The following ROBO2 variants were observed in gnomAD, a reference collection of about 807,000 sequenced individuals.
ROBO2 encodes roundabout guidance receptor 2.
In ROBO2, 53 loss-of-function variants were observed where a neutral mutation model predicts 160.8. That is an observed-to-expected ratio of 0.33 (90% CI 0.26 to 0.41). The LOEUF (loss-of-function observed/expected upper bound fraction) is 0.41. ROBO2 is among the 10% of genes least tolerant of loss of function. The pLI is 1.00. For synonymous variants in ROBO2, 664 were observed against 611.7 expected (o/e 1.09, Z -1.26); for missense variants, 1,577 against 1,722.4 (o/e 0.92, Z 1.49).
rs535713617 is a variant in ROBO2, at chr3:77,097,608, C to A, written c.62-406C>A. Reference sequence around the variant, plus strand: ...TGTTAGTCTGATAACATATTGGCAGCACATTAAATGCTATCTATGTGTGTC... The same window carrying A: ...TGTTAGTCTGATAACATATTGGCAGAACATTAAATGCTATCTATGTGTGTC... On this transcript the variant is annotated intron_variant, in intron 1 of 25. Coordinates refer to ENST00000461745, the Ensembl canonical transcript of ROBO2. 3.9e-5 allele frequency among the ~76,000 whole-genome samples: 6 copies of A among 152,240 alleles called. No homozygotes were observed. In the South Asian group the frequency reaches 1.2e-3, roughly 32 times the overall value.
intron 2 of ROBO2, among the ~76,000 whole-genome samples, chr3:77,328,602 G>A (rs1055519069): frequency 1.7e-4 from 26 of 152,170 alleles, no homozygotes; most frequent in East Asian, 1.9e-4. Flanking sequence ...ATGGCCTGGC[G>A]TTAACAATAA....
intron 1 of ROBO2, among the ~76,000 whole-genome samples, chr3:77,078,111 A>T (rs1425182654): frequency 6.6e-6 from 1 of 152,164 alleles, no homozygotes; most frequent in East Asian, 1.9e-4. Context: ...TTCCACTCAT[A>T]TGTATACACC....
intron 2 of ROBO2, among the ~76,000 whole-genome samples, chr3:76,216,756 CAG>C (rs2107364565): frequency 6.6e-6 from 1 of 152,238 alleles, no homozygotes; most frequent in Non-Finnish European, 1.5e-5. Context: ...CTCAACGAGA[CAG>C]AAAGTTAACA....
intron 2 of ROBO2, among the ~76,000 whole-genome samples, chr3:76,003,246 G>A (rs2065937294): frequency 6.6e-6 from 1 of 152,066 alleles, no homozygotes; most frequent in Non-Finnish European, 1.5e-5. Context: ...ATAAATACCA[G>A]TGGACATAAC....
At chr3:77,519,337 A>G (rs2090350942) in intron 5 of ROBO2, among the ~76,000 whole-genome samples, 1 of 151,400 alleles carries the variant, frequency 6.6e-6, no homozygotes, top group African/African-American at 2.4e-5. Context: ...TTTTAAATAA[A>G]AACTTTTAAT....
chr3:76,462,687 G>T (rs368283397), intron 2 of ROBO2, among the ~76,000 whole-genome samples: 12 of 152,078 alleles, frequency 7.9e-5, no homozygotes, highest in Middle Eastern at 3.4e-3. Flanking sequence ...AATATAGCTT[G>T]TTTATTTCAG....
intron 2 of ROBO2, among the ~76,000 whole-genome samples, chr3:75,940,104 T>G (rs1223787016): frequency 6.6e-6 from 1 of 152,172 alleles, no homozygotes; most frequent in East Asian, 1.9e-4. Flanking sequence ...CTACACAACC[T>G]CTTCATATTT....
intron 23 of ROBO2, among the ~76,000 whole-genome samples, chr3:77,624,724 G>T (rs1253029741): frequency 6.6e-6 from 1 of 152,124 alleles, no homozygotes; most frequent in East Asian, 1.9e-4. Context: ...TATATTTGTG[G>T]TGTGAATAAA....
chr3:76,517,857 CAT>C (rs2081416322), intron 2 of ROBO2, among the ~76,000 whole-genome samples: 2 of 152,086 alleles, frequency 1.3e-5, no homozygotes, highest in African/African-American at 4.8e-5. Context: ...GAGAACAGAA[CAT>C]ATTCACATTT....
intron 2 of ROBO2, among the ~76,000 whole-genome samples, chr3:76,929,571 C>A (rs905715071): frequency 1.3e-5 from 2 of 152,216 alleles, no homozygotes; most frequent in East Asian, 3.8e-4. Context: ...CCACTATTGC[C>A]TCCACCCTTG....
chr3:76,781,841 T>C (rs1022243636), intron 2 of ROBO2, among the ~76,000 whole-genome samples: 1 of 150,832 alleles, frequency 6.6e-6, no homozygotes, highest in Non-Finnish European at 1.5e-5. Context: ...GTAATGTTCT[T>C]GCCCGGCTTT....
intron 2 of ROBO2, among the ~76,000 whole-genome samples, chr3:76,477,573 T>C (rs17737501): frequency 0.08 from 12,195 of 152,226 alleles, 613 homozygotes; most frequent in Middle Eastern, 0.12. Context: ...CTAGTTTCTC[T>C]GACAAGTTAA....
chr3:76,349,170 T>C (rs2074720859), intron 2 of ROBO2, among the ~76,000 whole-genome samples: 1 of 152,134 alleles, frequency 6.6e-6, no homozygotes, highest in Admixed American at 6.6e-5. Flanking sequence ...TGTAACATAT[T>C]TTTAAAAGAT....
At chr3:77,200,310 TATATATATATA>T (rs2082765302) in intron 2 of ROBO2, among the ~76,000 whole-genome samples, 3 of 89,346 alleles carry the variant, frequency 3.4e-5, no homozygotes, top group South Asian at 3.3e-4. Context: ...TATATATATA[TATATATATATA>T]TTTTAGTTTC....
intron 2 of ROBO2, among the ~76,000 whole-genome samples, chr3:77,466,929 G>A (rs781435436): frequency 2.0e-5 from 3 of 152,188 alleles, no homozygotes; most frequent in Non-Finnish European, 4.4e-5. Flanking sequence ...CACAACAGTA[G>A]AGAAATATCG....
At chr3:77,594,609 G>C (rs2094255951) in intron 17 of ROBO2, among the ~76,000 whole-genome samples, 1 of 152,136 alleles carries the variant, frequency 6.6e-6, no homozygotes, top group African/African-American at 2.4e-5. Context: ...GTTCACACCT[G>C]TTGTAATTAT....
chr3:75,990,039 T>C (rs1157732872), intron 2 of ROBO2, among the ~76,000 whole-genome samples: 2 of 152,230 alleles, frequency 1.3e-5, no homozygotes, highest in African/African-American at 4.8e-5. Flanking sequence ...CTGTAACTTT[T>C]CTAAAAACCA....
intron 2 of ROBO2, chr3:76,435,114 G>A (rs749078234): frequency 4.2e-6 from 4 of 958,378 alleles, no homozygotes; most frequent in African/African-American, 1.6e-5. Context: ...CTCCATTACA[G>A]TAGATAACTG....
At chr3:77,296,038 A>C (rs1256375377) in intron 2 of ROBO2, among the ~76,000 whole-genome samples, 10 of 150,776 alleles carry the variant, frequency 6.6e-5, no homozygotes, top group African/African-American at 2.4e-4. Context: ...GACATAAAGT[A>C]GAATTGATGG....
Sources: allele counts gnomAD v4.1 joint callset (sites outside exome capture counted in the v4.1 genomes callset), GRCh38; gene constraint gnomAD v4.1.1; transcripts MANE v1.5; gene names NCBI Gene and HGNC (gene_info 2026-07-23, HGNC 2026-07-21).